EXOC6B: variants seen among roughly 807,000 people sequenced by gnomAD.
EXOC6B encodes SEC15 homolog B.
In EXOC6B, 54 loss-of-function variants were observed where a neutral mutation model predicts 113.5. That is an observed-to-expected ratio of 0.48 (90% CI 0.38 to 0.60). The LOEUF is 0.60. Ranked by LOEUF, EXOC6B falls within the 20% of genes least tolerant of loss-of-function variation. The pLI, the probability that EXOC6B is intolerant of heterozygous loss-of-function variation, is 0.00. For missense variants in EXOC6B, 797 were observed against 977.5 expected, an observed-to-expected ratio of 0.82 and a Z score of 2.46; for synonymous variants, 357 against 339.0, an observed-to-expected ratio of 1.05 and a Z score of -0.58.
chr2:72,825,671 ATGCAGGG>A lies in EXOC6B; in HGVS notation c.113+120_113+126del. ...CGAAGGGAGACCCGCCTCGCCCGGT[ATGCAGGG>A]TCTCTCCGAAGGGAGGGGCCGGCGC... On this transcript the variant is annotated intron_variant, in intron 1 of 21. Transcript: ENST00000272427. This position sits in a 1 kb window ranked among gnomAD's most constrained non-coding sequence, Gnocchi z 4.4. The A allele has an allele frequency of 8.5e-7, 1 of 1,176,530 alleles. No individual in the cohort carries two copies. Among genetic ancestry groups the A allele is most frequent in the Non-Finnish European group, 1.1e-6 (1 of 884,998 alleles). The allele number at this position is 1,176,530 out of a possible 1,614,324, so 72.9% of individuals were successfully genotyped here.
intron 17 of EXOC6B, among the ~76,000 whole-genome samples, chr2:72,471,655 A>C (rs917306926): frequency 5.9e-5 from 9 of 152,262 alleles, no homozygotes; most frequent in African/African-American, 1.9e-4. Context: ...GCAAAGAAGG[A>C]CAATTTGACT....
intron 8 of EXOC6B, among the ~76,000 whole-genome samples, chr2:72,542,577 A>G (rs1312787314): frequency 6.6e-6 from 1 of 152,224 alleles, no homozygotes; most frequent in African/African-American, 2.4e-5. Context: ...ATCCTTCATT[A>G]CACCTGCTAT....
chr2:72,485,884 T>C (rs1699397202), intron 16 of EXOC6B, among the ~76,000 whole-genome samples: 1 of 152,208 alleles, frequency 6.6e-6, no homozygotes, highest in African/African-American at 2.4e-5. Flanking sequence ...TGCCCTGTGA[T>C]CATAAAAATA....
intron 20 of EXOC6B, among the ~76,000 whole-genome samples, chr2:72,207,911 C>T (rs1054901208): frequency 6.6e-6 from 1 of 152,122 alleles, no homozygotes; most frequent in Non-Finnish European, 1.5e-5. Context: ...TGCTAACTTG[C>T]ACTTAGAAAG....
intron 18 of EXOC6B, among the ~76,000 whole-genome samples, chr2:72,386,301 T>C (rs1414827198): frequency 6.6e-6 from 1 of 152,086 alleles, no homozygotes; most frequent in African/African-American, 2.4e-5. Flanking sequence ...GGTCATGTAG[T>C]AGAAAAGAAC....
Position 72,468,326 on chromosome 2 carries a change from T to A in EXOC6B, c.1801-2987A>T, listed in dbSNP as rs535844452. On this transcript the variant is annotated intron_variant, in intron 17 of 21. Transcript: ENST00000272427. ...TCCATTTTATGCTGATTTTTATATA[T>A]GGTGTGAGATGAGGAACAAATTTCA... is the stretch of plus-strand genomic sequence containing the variant. 8.1e-4 allele frequency among the ~76,000 whole-genome samples: 124 copies of A among 152,334 alleles called. 1 individual carries two copies. Among genetic ancestry groups the A allele is most frequent in the African/African-American group, 1.0e-3 (43 of 41,578 alleles).
chr2:72,433,694 G>A (rs1381335763), intron 18 of EXOC6B, among the ~76,000 whole-genome samples: 1 of 152,092 alleles, frequency 6.6e-6, no homozygotes, highest in Non-Finnish European at 1.5e-5. Context: ...CACTCATGAT[G>A]TGGCTCTCTG....
intron 18 of EXOC6B, among the ~76,000 whole-genome samples, chr2:72,415,743 T>C (rs1276782492): frequency 6.6e-6 from 1 of 152,116 alleles, no homozygotes; most frequent in Non-Finnish European, 1.5e-5. Context: ...ATTGACCTCA[T>C]CACAAAGCGA....
chr2:72,190,929 G>A (rs1475810699), intron 20 of EXOC6B, among the ~76,000 whole-genome samples: 4 of 152,168 alleles, frequency 2.6e-5, no homozygotes, highest in Non-Finnish European at 4.4e-5. Context: ...TTTAGAGTAG[G>A]AAATTCTGAT....
rs1294208334 is a variant in EXOC6B at position 72,514,699 on chromosome 2, G to A, written c.1000-19C>T. On this transcript the variant is annotated intron_variant, in intron 9 of 21. Transcript: ENST00000272427. ...TTTCATGCTGCAACAAAGCAAAGAA[G>A]AAAAAGTTATTGTTTCTGTTTTGTT... 1.4e-6 allele frequency: 2 copies of A among 1,469,960 alleles called. No individual in the cohort carries two copies. The highest frequency in any genetic ancestry group is 1.8e-6 in the Non-Finnish European group (2 of 1,098,572). The allele number at this position is 1,469,960 out of a possible 1,614,324, so 91.1% of individuals were successfully genotyped here.
chr2:72,795,029 A>C (rs1684869331), intron 1 of EXOC6B, among the ~76,000 whole-genome samples: 1 of 152,208 alleles, frequency 6.6e-6, no homozygotes. Context: ...AGTGGTTCTC[A>C]AGCCTAACTG....
intron 20 of EXOC6B, among the ~76,000 whole-genome samples, chr2:72,323,487 A>G (rs1344947712): frequency 6.6e-6 from 1 of 152,192 alleles, no homozygotes; most frequent in Admixed American, 6.5e-5. Flanking sequence ...GTTACTGGGT[A>G]TGTACCCAAA....
intron 6 of EXOC6B, among the ~76,000 whole-genome samples, chr2:72,670,987 C>G (rs1675752273): frequency 6.6e-6 from 1 of 152,108 alleles, no homozygotes; most frequent in African/African-American, 2.4e-5. Flanking sequence ...AACATTTCTA[C>G]TTGGATGTCT....
At chr2:72,668,190 C>T (rs1675532328) in intron 6 of EXOC6B, among the ~76,000 whole-genome samples, 1 of 152,108 alleles carries the variant, frequency 6.6e-6, no homozygotes, top group Non-Finnish European at 1.5e-5. Context: ...TGAATATAAA[C>T]AGTCTCATCA....
chr2:72,607,230 C>A (rs59782690), intron 6 of EXOC6B, among the ~76,000 whole-genome samples: 211 of 152,226 alleles, frequency 1.4e-3, no homozygotes, highest in African/African-American at 4.7e-3. Context: ...TTAACAAAGT[C>A]TTTCTCTCAT....
At chr2:72,223,933 C>A (rs1034399340) in intron 20 of EXOC6B, among the ~76,000 whole-genome samples, 1 of 152,076 alleles carries the variant, frequency 6.6e-6, no homozygotes, top group East Asian at 1.9e-4. Flanking sequence ...GGAATACAGG[C>A]GATTCCAATT....
At chr2:72,373,985 G>A (rs546487165) in intron 19 of EXOC6B, among the ~76,000 whole-genome samples, 1 of 152,236 alleles carries the variant, frequency 6.6e-6, no homozygotes, top group Admixed American at 6.5e-5. Context: ...AGCCAGGCAT[G>A]GTAGTTAAGC....
intron 11 of EXOC6B, among the ~76,000 whole-genome samples, chr2:72,509,671 G>C (rs1272269432): frequency 6.6e-6 from 1 of 151,706 alleles, no homozygotes; most frequent in East Asian, 1.9e-4. Flanking sequence ...AATATTAACA[G>C]CTAATGTCCA....
intron 17 of EXOC6B, among the ~76,000 whole-genome samples, chr2:72,470,714 G>A (rs1386962707): frequency 6.7e-6 from 1 of 150,356 alleles, no homozygotes; most frequent in African/African-American, 2.5e-5. Flanking sequence ...GAGAACATGT[G>A]GTGTTTGGTT....
Sources: allele counts gnomAD v4.1 joint callset (sites outside exome capture counted in the v4.1 genomes callset), GRCh38; gene constraint gnomAD v4.1.1; non-coding constraint Gnocchi (gnomAD v3.1); transcripts MANE v1.5; gene names NCBI Gene and HGNC (gene_info 2026-07-23, HGNC 2026-07-21).